CACNA1D: variants seen among roughly 807,000 people sequenced by gnomAD.
The protein encoded by CACNA1D is voltage-dependent L-type calcium channel subunit alpha-1D.
CACNA1D carries 55 observed loss-of-function variants against 257.1 expected under a neutral mutation model. The observed-to-expected ratio is 0.21, with a 90% CI of 0.17 to 0.27. CACNA1D has a LOEUF of 0.27. CACNA1D is among the 10% of genes least tolerant of loss of function. The pLI is 1.00. For synonymous variants in CACNA1D, 980 were observed against 1,014.9 expected, an observed-to-expected ratio of 0.97 and a Z score of 0.65; for missense variants, 1,876 against 2,784.0, an observed-to-expected ratio of 0.67 and a Z score of 7.34.
chr3:53,501,549 G>A (rs376856950), intron 2 of CACNA1D, 66 bp from the exon 3 acceptor site: 47 of 841,276 alleles, frequency 5.6e-5, no homozygotes, highest in African/African-American at 1.2e-4. Context: ...TGGTGTGATC[G>A]GGAGTGTGAT....
chr3:53,618,684 T>C (rs1219612580), intron 3 of CACNA1D, among the ~76,000 whole-genome samples: 1 of 152,254 alleles, frequency 6.6e-6, no homozygotes, highest in African/African-American at 2.4e-5. Flanking sequence ...TCAGATGTTG[T>C]GCTCCTTAAG....
chr3:53,691,118 A>G (rs890683584), intron 8 of CACNA1D, among the ~76,000 whole-genome samples: 1 of 152,056 alleles, frequency 6.6e-6, no homozygotes. Flanking sequence ...GTGATGGCAG[A>G]AAAGAGAGCC....
At chr3:53,581,824 G>A (rs2093138151) in intron 3 of CACNA1D, among the ~76,000 whole-genome samples, 1 of 152,170 alleles carries the variant, frequency 6.6e-6, no homozygotes, top group African/African-American at 2.4e-5. Context: ...AGGCCCATCT[G>A]GTTGGTGCTT....
At chr3:53,761,947 TG>T in intron 29 of CACNA1D, 50 bp from the exon 30 acceptor site, 1 of 1,269,536 alleles carries the variant, frequency 7.9e-7, no homozygotes, top group Non-Finnish European at 1.2e-6. Context: ...GTCCGTGTGG[TG>T]GGTCATTCAT....
intron 21 of CACNA1D, among the ~76,000 whole-genome samples, chr3:53,742,677 A>T (rs2095129563): frequency 6.6e-6 from 1 of 152,150 alleles, no homozygotes; most frequent in African/African-American, 2.4e-5. Flanking sequence ...GGCTCTCCGG[A>T]CAGCACTTAC....
In CACNA1D at chr3:53,789,047, A is replaced by G. The variant is rs1379140530; in HGVS notation, c.4923+2095A>G. 1.3e-5 allele frequency among the ~76,000 whole-genome samples: 2 copies of G among 152,228 alleles called. No homozygotes were observed. The highest frequency in any genetic ancestry group is 4.8e-5 in the African/African-American group (2 of 41,468). ...ATGGGGTTTACTGAGTCTTAAGTTG[A>G]AGGGTCAAATGGCATGAATGATACA... On this transcript the variant is annotated intron_variant, in intron 40 of 47. Transcript: ENST00000350061. The surrounding 1 kb of genome is among the most constrained non-coding windows in gnomAD (Gnocchi z 4.2).
Position 53,762,086 on chromosome 3 carries a change from G to C in CACNA1D, c.3870+5G>C, listed in dbSNP as rs1447027094. On this transcript the variant is annotated splice_donor_5th_base_variant and intron_variant, in intron 30 of 47. Coordinates refer to ENST00000350061, the MANE Select transcript of CACNA1D (RefSeq NM_001128840.3). The stretch of plus-strand genomic sequence containing the variant: ...GTGGCCCTCAGCGAAGCAGACGTGA[G>C]TATGCACCTGGCGTGGCCGCCACCT... 2 of 1,598,592 alleles carry C rather than the reference G, an allele frequency of 1.3e-6. No homozygotes were observed. Among genetic ancestry groups the C allele is most frequent in the East Asian group, 2.2e-5 (1 of 44,798 alleles).
At chr3:53,658,809 A>C (rs562052782) in intron 4 of CACNA1D, among the ~76,000 whole-genome samples, 38 of 152,364 alleles carry the variant, frequency 2.5e-4, no homozygotes, top group African/African-American at 7.2e-4. Context: ...AGAGCTCACC[A>C]TCTGAAGCTT....
intron 3 of CACNA1D, among the ~76,000 whole-genome samples, chr3:53,585,858 G>T (rs938713532): frequency 1.3e-5 from 2 of 152,156 alleles, no homozygotes; most frequent in Non-Finnish European, 2.9e-5. Context: ...TTGGTCCACA[G>T]GGGAGGAAAC....
At position 53,793,609 on chromosome 3, in the gene CACNA1D, G is replaced by C. The variant is rs1023877309; in HGVS notation, c.4924-6640G>C. 6.6e-6 allele frequency among the ~76,000 whole-genome samples: 1 copy of C among 152,202 alleles called. No homozygotes were observed. The highest frequency in any genetic ancestry group is 2.1e-4 in the South Asian group (1 of 4,826). On this transcript the variant is annotated intron_variant, in intron 40 of 47. Coordinates refer to ENST00000350061, the MANE Select transcript of CACNA1D (RefSeq NM_001128840.3). This position sits in a 1 kb window ranked among gnomAD's most constrained non-coding sequence, Gnocchi z 4.1. The stretch of plus-strand genomic sequence containing the variant: ...GTGACCACTTTCTAGATGGGACTTA[G>C]GGAGTGATTTAAATGGAACAAGAGA...
chr3:53,545,561 A>C (rs2092393653), intron 3 of CACNA1D, among the ~76,000 whole-genome samples: 1 of 152,244 alleles, frequency 6.6e-6, no homozygotes, highest in Non-Finnish European at 1.5e-5. Flanking sequence ...TAGAGCAGTA[A>C]TTTATGGGCT....
Position 53,749,409 on chromosome 3 carries a change from C to T in CACNA1D, c.3456C>T (p.Ile1152=), listed in dbSNP as rs920019213. ...TGAACATCTTTGTGGGCTTTGTCAT[C>T]GTTACATTTCAGGAACAAGGAGAAA... ...FMMNIFVGFV[I]VTFQEQGEKE... The change falls in exon 27 of 48, where the codon ATC becomes ATT. Residue 1152 remains isoleucine, a synonymous_variant. Transcript: ENST00000350061. The T allele has an allele frequency of 6.2e-6, 10 of 1,613,820 alleles. No individual in the cohort carries two copies. The African/African-American group carries it at 8.0e-5, about 13-fold the overall frequency.
intron 3 of CACNA1D, among the ~76,000 whole-genome samples, chr3:53,613,120 A>G (rs1448250601): frequency 1.3e-5 from 2 of 152,252 alleles, no homozygotes; most frequent in Non-Finnish European, 2.9e-5. Flanking sequence ...ACCACAGAGT[A>G]TGCTGCTGAG....
intron 29 of CACNA1D, among the ~76,000 whole-genome samples, chr3:53,757,531 C>T (rs899079226): frequency 2.6e-5 from 4 of 152,238 alleles, no homozygotes; most frequent in East Asian, 1.9e-4. Context: ...GCCCTTCTAC[C>T]TACTCCCTTT....
At chr3:53,681,280 T>C (rs1238046724) in intron 8 of CACNA1D, among the ~76,000 whole-genome samples, 1 of 152,204 alleles carries the variant, frequency 6.6e-6, no homozygotes, top group Non-Finnish European at 1.5e-5. Context: ...TAGAAGAGCA[T>C]TGGAGAACCA....
chr3:53,584,367 GGGTCAGAGGT>G (rs1399263885), intron 3 of CACNA1D, among the ~76,000 whole-genome samples: 1 of 152,184 alleles, frequency 6.6e-6, no homozygotes, highest in Non-Finnish European at 1.5e-5. Context: ...CATGGGGCTG[GGGTCAGAGGT>G]GGTTGGATTG....
chr3:53,811,534 T>TAA lies in CACNA1D; in HGVS notation c.*129_*130dup. On this transcript the variant is annotated 3_prime_UTR_variant, in exon 48 of 48. Coordinates refer to ENST00000350061, the MANE Select transcript of CACNA1D (RefSeq NM_001128840.3). The surrounding 1 kb of genome is among the most constrained non-coding windows in gnomAD (Gnocchi z 4.2). ...ATATTCAATTAATTAGACTTTTGTA[T>TAA]AAGAGATGTCATGCCTCAAGAAAGC... 1.3e-6 allele frequency: 1 copy of TAA among 759,550 alleles called. No homozygotes were observed. The highest frequency in any genetic ancestry group is 2.1e-6 in the Non-Finnish European group (1 of 486,432). 47.1% of individuals were successfully genotyped at this position (759,550 alleles called of 1,614,324 possible). A position where few individuals can be genotyped will look rare whatever the true frequency, so the allele number is the denominator to read the frequency against.
chr3:53,585,311 T>A lies in CACNA1D; in HGVS notation c.484-65468T>A, dbSNP rs572327356. Among the ~76,000 whole-genome samples the A allele has an allele frequency of 2.2e-4, 34 of 152,294 alleles. 1 individual carries two copies. Among genetic ancestry groups the A allele is most frequent in the Middle Eastern group, 6.8e-3 (2 of 294 alleles). Reference sequence around the variant, plus strand: ...CAGATTCTTACTTAGGGAGCCAGGATACTGGGAGTCAGGCTGGGGCATTCA... The same window carrying A: ...CAGATTCTTACTTAGGGAGCCAGGAAACTGGGAGTCAGGCTGGGGCATTCA... On this transcript the variant is annotated intron_variant, in intron 3 of 47. Coordinates refer to ENST00000350061, the MANE Select transcript of CACNA1D (RefSeq NM_001128840.3).
rs1369929308 is a variant in CACNA1D, at chr3:53,718,689, TGGAGAC to T, written c.1478+307_1478+312del. The T allele has an allele frequency of 2.6e-6, 4 of 1,553,378 alleles. No homozygotes were observed. The highest frequency in any genetic ancestry group is 3.5e-6 in the Non-Finnish European group (4 of 1,148,270). ...ACCTGCTGTGTCCATTAGGTGCTGG[TGGAGAC>T]GGAGAGGCGCGGCCAAGGCGGGGCC... On this transcript the variant is annotated intron_variant, in intron 10 of 47. Coordinates refer to ENST00000350061, the MANE Select transcript of CACNA1D (RefSeq NM_001128840.3).
Sources: allele counts gnomAD v4.1 joint callset (sites outside exome capture counted in the v4.1 genomes callset), GRCh38; gene constraint gnomAD v4.1.1; non-coding constraint Gnocchi (gnomAD v3.1); transcripts MANE v1.5; gene names NCBI Gene and HGNC (gene_info 2026-07-23, HGNC 2026-07-21).